The following FOXO1 variants were observed in gnomAD, a reference collection of about 807,000 sequenced individuals.
The protein encoded by FOXO1 is forkhead box O1.
FOXO1 carries 6 observed loss-of-function variants against 44.1 expected under a neutral mutation model. The ratio of observed to expected loss-of-function variants is 0.14; its 90% confidence interval spans 0.07 to 0.27. The LOEUF is 0.27. Ranked by LOEUF, FOXO1 falls within the 10% of genes least tolerant of loss-of-function variation. FOXO1 has a pLI of 1.00. For synonymous variants in FOXO1, 380 were observed against 362.7 expected, an observed-to-expected ratio of 1.05 and a Z score of -0.54; for missense variants, 737 against 888.8, an observed-to-expected ratio of 0.83 and a Z score of 2.17.
At chr13:40,653,918 G>A (rs768271162) in intron 1 of FOXO1, among the ~76,000 whole-genome samples, 2 of 152,144 alleles carry the variant, frequency 1.3e-5, no homozygotes, top group Non-Finnish European at 2.9e-5. Flanking sequence ...TAAGAGTAGA[G>A]AGTCACAAAA....
intron 1 of FOXO1, among the ~76,000 whole-genome samples, 182 bp downstream of exon 1, chr13:40,665,401 A>T (rs902300772): frequency 4.6e-5 from 7 of 151,748 alleles, no homozygotes; most frequent in Non-Finnish European, 1.0e-4. Flanking sequence ...GCGCGCACGC[A>T]CACCTACTGC....
rs189978446 is a variant in FOXO1 at position 40,632,806 on chromosome 13, A to T, written c.630+32777T>A. Among the ~76,000 whole-genome samples, 27 of 151,258 alleles carry T rather than the reference A, an allele frequency of 1.8e-4. No individual in the cohort carries two copies. The East Asian group carries it at 5.1e-3, about 29-fold the overall frequency. ...AAAAATAAAAAAAAATTAGCTGGGC[A>T]TAGTGGTGCATGCCTGTAATCCCAG... On this transcript the variant is annotated intron_variant, in intron 1 of 2. Coordinates refer to ENST00000379561, the MANE Select transcript of FOXO1 (RefSeq NM_002015.4).
intron 1 of FOXO1, among the ~76,000 whole-genome samples, chr13:40,582,640 CTT>C (rs1875001593): frequency 6.6e-6 from 1 of 152,238 alleles, no homozygotes. Flanking sequence ...AAACCACTCT[CTT>C]TGCTCATCCG....
intron 1 of FOXO1, among the ~76,000 whole-genome samples, chr13:40,651,083 G>T (rs955870740): frequency 5.2e-4 from 66 of 125,960 alleles, no homozygotes; most frequent in South Asian, 2.1e-3. Flanking sequence ...TAGTTTTTTT[G>T]GTTTTTTGTT....
intron 1 of FOXO1, among the ~76,000 whole-genome samples, chr13:40,628,671 G>T (rs1303562205): frequency 6.6e-6 from 1 of 152,198 alleles, no homozygotes; most frequent in Non-Finnish European, 1.5e-5. Context: ...GTGAAATGGG[G>T]ACATGGCCAA....
At chr13:40,665,124 C>T (rs1207172081) in intron 1 of FOXO1, among the ~76,000 whole-genome samples, 1 of 151,750 alleles carries the variant, frequency 6.6e-6, no homozygotes, top group African/African-American at 2.4e-5. Context: ...GGCTCCGGGG[C>T]CCCTCGCCGC....
intron 1 of FOXO1, among the ~76,000 whole-genome samples, chr13:40,617,244 G>T (rs7336080): frequency 6.6e-6 from 1 of 152,072 alleles, no homozygotes; most frequent in Non-Finnish European, 1.5e-5. Context: ...TCAGGAGTTC[G>T]AGACCAGCCT....
At chr13:40,658,740 T>C (rs1401765993) in intron 1 of FOXO1, among the ~76,000 whole-genome samples, 1 of 152,240 alleles carries the variant, frequency 6.6e-6, no homozygotes, top group Admixed American at 6.5e-5. Context: ...CCGGGCGCAG[T>C]GGCTTACGCC....
At chr13:40,602,394 C>T (rs1350264654) in intron 1 of FOXO1, among the ~76,000 whole-genome samples, 1 of 152,144 alleles carries the variant, frequency 6.6e-6, no homozygotes, top group African/African-American at 2.4e-5. Context: ...AAAGTCTTTT[C>T]TCTTTTTCCC....
At chr13:40,663,496 CTG>C (rs1342251092) in intron 1 of FOXO1, among the ~76,000 whole-genome samples, 1 of 151,864 alleles carries the variant, frequency 6.6e-6, no homozygotes, top group Non-Finnish European at 1.5e-5. Context: ...TAAGTACACA[CTG>C]TACTTTGAAT....
At chr13:40,640,479 A>G (rs1486139088) in intron 1 of FOXO1, among the ~76,000 whole-genome samples, 1 of 152,228 alleles carries the variant, frequency 6.6e-6, no homozygotes, top group East Asian at 1.9e-4. Flanking sequence ...CTGATGATCC[A>G]GTTAGAAGGG....
At chr13:40,650,290 C>G (rs749151455) in intron 1 of FOXO1, among the ~76,000 whole-genome samples, 1 of 152,144 alleles carries the variant, frequency 6.6e-6, no homozygotes, top group Admixed American at 6.6e-5. Context: ...GGCTTCTTTA[C>G]TGCAACCTGT....
intron 1 of FOXO1, among the ~76,000 whole-genome samples, chr13:40,638,781 T>C (rs1877247249): frequency 6.6e-6 from 1 of 151,966 alleles, no homozygotes; most frequent in Non-Finnish European, 1.5e-5. Flanking sequence ...ATCAGAAGGA[T>C]GGGCACTGTA....
intron 1 of FOXO1, among the ~76,000 whole-genome samples, chr13:40,576,634 CCT>C (rs1405739890): frequency 6.6e-6 from 1 of 152,170 alleles, no homozygotes; most frequent in East Asian, 1.9e-4. Flanking sequence ...GGCCCTCCTC[CCT>C]GTCTCCCTCG....
chr13:40,628,390 C>CACACACACA (rs201043730), intron 1 of FOXO1, among the ~76,000 whole-genome samples: 1 of 150,860 alleles, frequency 6.6e-6, no homozygotes, highest in Admixed American at 6.6e-5. Context: ...CACACACACA[C>CACACACACA]CCCGTGAGGG....
At chr13:40,611,374 G>A (rs77563897) in intron 1 of FOXO1, among the ~76,000 whole-genome samples, 1 of 152,082 alleles carries the variant, frequency 6.6e-6, no homozygotes, top group South Asian at 2.1e-4. Context: ...CCAATACAAG[G>A]TTACTAGGTA....
At chr13:40,623,952 T>A (rs1433895374) in intron 1 of FOXO1, among the ~76,000 whole-genome samples, 99 of 149,784 alleles carry the variant, frequency 6.6e-4, no homozygotes, top group Middle Eastern at 3.4e-3. Context: ...TTTTTTTTTT[T>A]AATTAGCCAG....
At chr13:40,664,968 C>G (rs1184531575) in intron 1 of FOXO1, among the ~76,000 whole-genome samples, 1 of 151,934 alleles carries the variant, frequency 6.6e-6, no homozygotes, top group East Asian at 1.9e-4. Context: ...ACGCCGGGCC[C>G]CCGGCACTCG....
Position 40,602,313 on chromosome 13 carries a change from G to A in FOXO1, c.631-41453C>T, listed in dbSNP as rs9532568. ...TTAGTCATTTGCAAGAAACTAAGCC[G>A]GCTATCCACAGAGAAATTTTCAAAA... On this transcript the variant is annotated intron_variant, in intron 1 of 2. Transcript: ENST00000379561. 9.0e-3 allele frequency among the ~76,000 whole-genome samples: 1,373 copies of A among 152,108 alleles called. 8 individuals are homozygous for A. The highest frequency in any genetic ancestry group is 0.013 in the Non-Finnish European group (868 of 67,994).
Sources: allele counts gnomAD v4.1 joint callset (sites outside exome capture counted in the v4.1 genomes callset), GRCh38; gene constraint gnomAD v4.1.1; transcripts MANE v1.5; gene names NCBI Gene and HGNC (gene_info 2026-07-23, HGNC 2026-07-21).